Variants in HADHA observed in about 807,000 individuals in gnomAD.
The protein encoded by HADHA is trifunctional enzyme subunit alpha, mitochondrial.
In HADHA, 59 loss-of-function variants were observed where a neutral mutation model predicts 91.3. The ratio of observed to expected loss-of-function variants is 0.65; its 90% CI spans 0.52 to 0.80. The LOEUF is 0.80. HADHA is among the 30% of genes least tolerant of loss of function. The pLI is 0.00. For synonymous variants in HADHA, 320 were observed against 338.9 expected, an observed-to-expected ratio of 0.94 and a Z score of 0.61; for missense variants, 800 against 927.6, an observed-to-expected ratio of 0.86 and a Z score of 1.79.
chr2:26,216,495 A>G (rs202130045), intron 7 of HADHA, among the ~76,000 whole-genome samples: 2 of 151,458 alleles, frequency 1.3e-5, no homozygotes, highest in East Asian at 3.9e-4. Flanking sequence ...TAAATTTTCT[A>G]TTTTTAGTAG....
intron 1 of HADHA, among the ~76,000 whole-genome samples, chr2:26,242,040 T>C (rs576603546): frequency 6.6e-6 from 1 of 152,138 alleles, no homozygotes; most frequent in Non-Finnish European, 1.5e-5. Flanking sequence ...TAGTTGGGAT[T>C]ACAGACGTGT....
rs1407517886 is a variant in HADHA, at chr2:26,190,986, G to A, written c.*264C>T. ...ACAGGCAGAGAGGTGGCTTCAGATG[G>A]CTCTTGGCTGCCACTCTAGGCCTCG... On this transcript the variant is annotated 3_prime_UTR_variant, in exon 20 of 20. Transcript: ENST00000380649. 1.8e-6 allele frequency: 1 copy of A among 560,078 alleles called. No homozygotes were observed. Among genetic ancestry groups the A allele is most frequent in the Admixed American group, 3.0e-5 (1 of 33,250 alleles). 34.7% of individuals were successfully genotyped at this position (560,078 alleles called of 1,614,324 possible). A position where few individuals can be genotyped will look rare whatever the true frequency, so the allele number is the denominator to read the frequency against.
chr2:26,229,155 CAG>C lies in HADHA; in HGVS notation c.676+1035_676+1036del, dbSNP rs1191597017. Among the ~76,000 whole-genome samples the C allele has an allele frequency of 1.3e-5, 2 of 152,012 alleles. No individual in the cohort carries two copies. Among genetic ancestry groups the C allele is most frequent in the African/African-American group, 4.8e-5 (2 of 41,390 alleles). ...CGGAGTTTGAGACTAGCCTGGAAAA[CAG>C]AGTGAGATCTCGTTTCTACAAAAAA... is the stretch of plus-strand genomic sequence containing the variant. On this transcript the variant is annotated intron_variant, in intron 7 of 19. Transcript: ENST00000380649. This position sits in a 1 kb window ranked among gnomAD's most constrained non-coding sequence, Gnocchi z 4.3.
intron 7 of HADHA, among the ~76,000 whole-genome samples, chr2:26,216,653 G>A (rs1670228916): frequency 6.6e-6 from 1 of 152,084 alleles, no homozygotes; most frequent in African/African-American, 2.4e-5. Context: ...TGTGGGGAAG[G>A]AGGAATAATA....
rs763085690 is a variant in HADHA at position 26,191,480 on chromosome 2, A to C, written c.2146+3T>G. ...AGCTTCCTTCCCAACCTGCGAGACC[A>C]ACCTCCCAGACAAGGCGGGAAGCCA... On this transcript the variant is annotated splice_donor_region_variant and intron_variant, in intron 19 of 19. Transcript: ENST00000380649. 6.2e-7 allele frequency: 1 copy of C among 1,614,182 alleles called. No individual in the cohort carries two copies. The highest frequency in any genetic ancestry group is 1.3e-5 in the African/African-American group (1 of 75,052).
In HADHA at chr2:26,214,247, T is replaced by G. The variant is rs911341298; in HGVS notation, c.918+196A>C. 2.0e-5 allele frequency among the ~76,000 whole-genome samples: 3 copies of G among 152,250 alleles called. No homozygotes were observed. The highest frequency in any genetic ancestry group is 7.2e-5 in the African/African-American group (3 of 41,462). ...ATCAATCAATGAGTAAGTCCAGCAC[T>G]GATTTTCCCCAAATATATCACTTTA... On this transcript the variant is annotated intron_variant, in intron 9 of 19. Transcript: ENST00000380649. This position sits in a 1 kb window ranked among gnomAD's most constrained non-coding sequence, Gnocchi z 4.1.
At chr2:26,205,344 A>C (rs1019843104) in intron 11 of HADHA, among the ~76,000 whole-genome samples, 1 of 152,212 alleles carries the variant, frequency 6.6e-6, no homozygotes, top group African/African-American at 2.4e-5. Flanking sequence ...AATCATACTA[A>C]AGTCCTGAAA....
intron 7 of HADHA, among the ~76,000 whole-genome samples, chr2:26,228,047 A>C (rs1186027286): frequency 6.6e-6 from 1 of 151,912 alleles, no homozygotes; most frequent in African/African-American, 2.4e-5. Flanking sequence ...TTTTTTTTTC[A>C]AAAGCTAATA....
chr2:26,237,285 T>C (rs1670785636), intron 3 of HADHA, among the ~76,000 whole-genome samples: 1 of 152,148 alleles, frequency 6.6e-6, no homozygotes, highest in Admixed American at 6.6e-5. Flanking sequence ...CAAACATTTA[T>C]TGGCATGGAA....
At chr2:26,235,643 G>A (rs558949161) in intron 4 of HADHA, among the ~76,000 whole-genome samples, 21 of 152,180 alleles carry the variant, frequency 1.4e-4, no homozygotes, top group Non-Finnish European at 2.2e-4. Flanking sequence ...TGAATTATTT[G>A]TGCCTAACAA....
At chr2:26,200,763 C>T (rs1439098942) in intron 13 of HADHA, among the ~76,000 whole-genome samples, 2 of 150,374 alleles carry the variant, frequency 1.3e-5, no homozygotes, top group East Asian at 1.9e-4. Flanking sequence ...GATGGAGTCT[C>T]GCTCTGTCAC....
chr2:26,193,847 C>CCAAA, intron 16 of HADHA, 75 bp from the exon 17 acceptor site: 1 of 1,137,046 alleles, frequency 8.8e-7, no homozygotes, highest in Middle Eastern at 1.9e-4. Flanking sequence ...TGTACTGGCT[C>CCAAA]CAAACACTGC....
At chr2:26,217,593 T>C (rs992164922) in intron 7 of HADHA, among the ~76,000 whole-genome samples, 1 of 152,076 alleles carries the variant, frequency 6.6e-6, no homozygotes, top group Non-Finnish European at 1.5e-5. Flanking sequence ...GCACATCATA[T>C]ATAGAAGTAT....
intron 9 of HADHA, among the ~76,000 whole-genome samples, chr2:26,213,547 G>A (rs1670152178): frequency 6.6e-6 from 1 of 152,032 alleles, no homozygotes; most frequent in African/African-American, 2.4e-5. Flanking sequence ...CCATAACTTT[G>A]CTCTAAATGC....
intron 7 of HADHA, among the ~76,000 whole-genome samples, chr2:26,224,859 G>A (rs984508942): frequency 4.6e-5 from 7 of 152,138 alleles, no homozygotes; most frequent in African/African-American, 1.4e-4. Context: ...TTTTATAAGT[G>A]ATTAAAGTCC....
At chr2:26,206,107 C>T (rs574378602) in intron 11 of HADHA, among the ~76,000 whole-genome samples, 44 of 151,916 alleles carry the variant, frequency 2.9e-4, no homozygotes, top group African/African-American at 8.4e-4. Context: ...TTGAAACCAG[C>T]CTGGGCAACA....
chr2:26,200,316 G>T (rs1356443710), intron 13 of HADHA, among the ~76,000 whole-genome samples: 1 of 151,854 alleles, frequency 6.6e-6, no homozygotes, highest in Non-Finnish European at 1.5e-5. Flanking sequence ...TTAGGCCTTG[G>T]TCCTACCTCA....
chr2:26,211,014 A>G (rs540785552), intron 10 of HADHA, among the ~76,000 whole-genome samples: 16 of 152,248 alleles, frequency 1.1e-4, no homozygotes, highest in Non-Finnish European at 1.8e-4. Context: ...AGAACATAAA[A>G]TGACAACACA....
rs373104835 is a variant in HADHA, at chr2:26,195,215, G to A, written c.1497C>T (p.Tyr499=). The A allele has an allele frequency of 6.2e-7, 1 of 1,613,162 alleles. No individual in the cohort carries two copies. The highest frequency in any genetic ancestry group is 8.5e-7 in the Non-Finnish European group (1 of 1,179,160). ...KRPEKVIGMH[Y]FSPVDKMQLL... ...GCTGCATCTTGTCCACGGGAGAGAA[G>A]TAGTGCATGCCAATCACCTGGCAAG... The change falls in exon 15 of 20, where the codon TAC becomes TAT. Residue 499 remains tyrosine, a synonymous_variant. Coordinates refer to ENST00000380649, the MANE Select transcript of HADHA (RefSeq NM_000182.5).
Sources: gnomAD v4.1 joint callset for allele counts (sites outside exome capture counted in the v4.1 genomes callset) on GRCh38, gnomAD v4.1.1 for gene constraint, Gnocchi (gnomAD v3.1) non-coding constraint, MANE v1.5 for transcripts, NCBI Gene and HGNC (gene_info 2026-07-23, HGNC 2026-07-21) for gene names.